The following GABRG3 variants were observed in gnomAD, a reference collection of about 807,000 sequenced individuals.
The protein encoded by GABRG3 is gamma-aminobutyric acid type A receptor subunit gamma3, also known as gamma-aminobutyric acid receptor subunit gamma-3.
In GABRG3, 25 loss-of-function variants were observed where a neutral mutation model predicts 48.8. That is an observed-to-expected ratio of 0.51 (90% CI 0.37 to 0.72). GABRG3 has a LOEUF of 0.72. Ranked by LOEUF, GABRG3 falls within the 30% of genes least tolerant of loss-of-function variation. The probability of loss-of-function intolerance (pLI) is 0.00; values close to 1 mark genes in which losing one functional copy is unlikely to be tolerated. For synonymous variants in GABRG3, 227 were observed against 217.6 expected (o/e 1.04, Z -0.38); for missense variants, 394 against 577.9 (o/e 0.68, Z 3.26).
intron 3 of GABRG3, among the ~76,000 whole-genome samples, chr15:27,251,474 C>A (rs115195264): frequency 1.8e-3 from 271 of 152,270 alleles, no homozygotes; most frequent in African/African-American, 6.1e-3. Flanking sequence ...CTTGGACACA[C>A]GTATTTGCAT....
chr15:27,291,106 G>A (rs1278827989), intron 3 of GABRG3, among the ~76,000 whole-genome samples: 6 of 152,170 alleles, frequency 3.9e-5, no homozygotes, highest in Non-Finnish European at 8.8e-5. Flanking sequence ...ACCTCTTTCA[G>A]TAATTATAGA....
At chr15:27,167,231 CT>C (rs917714196) in intron 3 of GABRG3, among the ~76,000 whole-genome samples, 2 of 152,222 alleles carry the variant, frequency 1.3e-5, no homozygotes, top group Non-Finnish European at 2.9e-5. Context: ...CATGGGCCCC[CT>C]GATTCTTTTC....
intron 3 of GABRG3, among the ~76,000 whole-genome samples, chr15:27,296,507 A>G (rs966908982): frequency 1.3e-5 from 2 of 152,198 alleles, no homozygotes; most frequent in African/African-American, 4.8e-5. Flanking sequence ...TAAATTCTAT[A>G]CGTATAAATA....
chr15:27,142,880 T>G (rs993283416), intron 3 of GABRG3, among the ~76,000 whole-genome samples: 57 of 151,940 alleles, frequency 3.8e-4, no homozygotes, highest in African/African-American at 1.4e-3. Context: ...GCCTTCCCAG[T>G]AGCTGGGGGG....
intron 3 of GABRG3, among the ~76,000 whole-genome samples, chr15:27,105,922 T>C (rs2140367713): frequency 6.6e-6 from 1 of 152,232 alleles, no homozygotes; most frequent in East Asian, 1.9e-4. Context: ...GGTGTGTATA[T>C]ACAATGCAAT....
At chr15:27,230,954 G>A (rs1889776154) in intron 3 of GABRG3, among the ~76,000 whole-genome samples, 1 of 151,800 alleles carries the variant, frequency 6.6e-6, no homozygotes, top group Non-Finnish European at 1.5e-5. Context: ...TTTGAATAGT[G>A]AATGTAATTG....
At chr15:27,102,741 G>T (rs976099332) in intron 3 of GABRG3, among the ~76,000 whole-genome samples, 8 of 152,090 alleles carry the variant, frequency 5.3e-5, no homozygotes, top group Non-Finnish European at 8.8e-5. Flanking sequence ...CCTAATAAAA[G>T]TACTAACAAG....
chr15:27,081,680 C>A (rs1595511848), intron 3 of GABRG3, among the ~76,000 whole-genome samples: 1 of 152,118 alleles, frequency 6.6e-6, no homozygotes, highest in Non-Finnish European at 1.5e-5. Flanking sequence ...GAGTGGCAGG[C>A]AGGACCGAGT....
Position 27,125,389 on chromosome 15 carries a change from G to A in GABRG3, c.270+98568G>A, listed in dbSNP as rs1302118432. ...AGGGTGGGGAGAGGTTTGTTAATGC[G>A]CACAAAGTTATAGCCAAATAGGAAT... On this transcript the variant is annotated intron_variant, in intron 3 of 9. Transcript: ENST00000615808. 2.0e-5 allele frequency among the ~76,000 whole-genome samples: 3 copies of A among 152,196 alleles called. No individual in the cohort carries two copies. In the East Asian group the frequency reaches 5.8e-4, roughly 29 times the overall value.
chr15:27,241,764 T>C (rs1890134799), intron 3 of GABRG3, among the ~76,000 whole-genome samples: 2 of 152,250 alleles, frequency 1.3e-5, no homozygotes, highest in Admixed American at 1.3e-4. Context: ...ATAATTCAGG[T>C]GAGCCAGATT....
At chr15:27,429,584 C>G (rs1254331721) in intron 5 of GABRG3, among the ~76,000 whole-genome samples, 1 of 152,188 alleles carries the variant, frequency 6.6e-6, no homozygotes, top group Non-Finnish European at 1.5e-5. Context: ...ACTTCCCATT[C>G]TCTTTCCCCA....
chr15:27,134,836 C>A (rs946939799), intron 3 of GABRG3, among the ~76,000 whole-genome samples: 6 of 152,204 alleles, frequency 3.9e-5, no homozygotes, highest in African/African-American at 1.4e-4. Flanking sequence ...AATATTCTCT[C>A]TGAGAGAATC....
intron 5 of GABRG3, among the ~76,000 whole-genome samples, chr15:27,462,331 A>T (rs1889476304): frequency 6.6e-6 from 1 of 152,200 alleles, no homozygotes; most frequent in Non-Finnish European, 1.5e-5. Flanking sequence ...GCATTTAGAA[A>T]TGTGCCAGGA....
intron 3 of GABRG3, chr15:27,161,033 G>T (rs1887166755): frequency 6.6e-6 from 1 of 152,022 alleles, no homozygotes; most frequent in Non-Finnish European, 1.5e-5. Context: ...TGTTGTCTCT[G>T]TATGTCACTG....
intron 3 of GABRG3, among the ~76,000 whole-genome samples, chr15:27,194,635 C>T (rs1888436423): frequency 6.6e-6 from 1 of 152,110 alleles, no homozygotes; most frequent in Admixed American, 6.5e-5. Flanking sequence ...TTATCATTTG[C>T]ATTTTTTAAA....
chr15:27,065,401 G>A (rs112401219), intron 3 of GABRG3, among the ~76,000 whole-genome samples: 2,813 of 152,276 alleles, frequency 0.018, 36 homozygotes, highest in Middle Eastern at 0.058. Context: ...AAGAATTGAA[G>A]GCAGAAATCC....
chr15:27,046,316 C>A (rs1331785288), intron 3 of GABRG3, among the ~76,000 whole-genome samples: 1 of 151,264 alleles, frequency 6.6e-6, no homozygotes, highest in East Asian at 1.9e-4. Context: ...GTTTGTCAGG[C>A]TGGTCTCGAA....
intron 2 of GABRG3, among the ~76,000 whole-genome samples, chr15:27,019,873 G>A (rs2195815): frequency 0.047 from 7,209 of 152,196 alleles, 504 homozygotes; most frequent in East Asian, 0.34. Flanking sequence ...AAATAATTAC[G>A]TCATTTTTAC....
At chr15:27,011,974 G>A (rs1895697159) in intron 2 of GABRG3, among the ~76,000 whole-genome samples, 2 of 152,052 alleles carry the variant, frequency 1.3e-5, no homozygotes, top group Admixed American at 1.3e-4. Flanking sequence ...GTTCAGTAGT[G>A]GTGGATAACT....
Sources: gnomAD v4.1 joint callset for allele counts (sites outside exome capture counted in the v4.1 genomes callset) on GRCh38, gnomAD v4.1.1 for gene constraint, MANE v1.5 for transcripts, NCBI Gene and HGNC (gene_info 2026-07-23, HGNC 2026-07-21) for gene names.